The following S1PR2 variants were observed in gnomAD, a reference collection of about 807,000 sequenced individuals.
S1PR2 encodes sphingosine-1-phosphate receptor 2.
Under a neutral mutation model 16.1 loss-of-function variants are expected in S1PR2, and 9 were observed. The ratio of observed to expected loss-of-function variants is 0.56; its 90% CI spans 0.34 to 0.98. The LOEUF (loss-of-function observed/expected upper bound fraction) is 0.98. Ranked by LOEUF, S1PR2 falls within the 50% of genes least tolerant of loss-of-function variation. S1PR2 has a pLI of 0.02. For missense variants in S1PR2, 361 were observed against 488.4 expected (o/e 0.74, Z 2.46); for synonymous variants, 224 against 233.9 (o/e 0.96, Z 0.38).
rs1047982082 is a variant in S1PR2, at chr19:10,223,652, C to T, written c.*192G>A. 13 of 578,988 alleles carry T rather than the reference C, an allele frequency of 2.2e-5. No homozygotes were observed. The highest frequency in any genetic ancestry group is 5.6e-5 in the African/African-American group (3 of 53,680). 35.9% of individuals were successfully genotyped at this position (578,988 alleles called of 1,614,324 possible). ...TAGCCACTGGACTGGCCCTCAGGAC[C>T]GCACTGCAACACTGCTATGTGACTA... On this transcript the variant is annotated 3_prime_UTR_variant, in exon 2 of 2. Coordinates refer to ENST00000646641, the MANE Select transcript of S1PR2 (RefSeq NM_004230.4).
intron 1 of S1PR2, chr19:10,230,333 T>A (rs540234067): frequency 6.5e-6 from 1 of 153,930 alleles, no homozygotes; most frequent in South Asian, 2.0e-4. Context: ...CTGGAAGGAT[T>A]CCTCTCCGTC....
chr19:10,224,188 C>T lies in S1PR2; in HGVS notation c.718G>A (p.Gly240Ser). 1 of 1,611,124 alleles carries T rather than the reference C, an allele frequency of 6.2e-7. No homozygotes were observed. Among genetic ancestry groups the T allele is most frequent in the Non-Finnish European group, 8.5e-7 (1 of 1,180,022 alleles). The part of the protein sequence containing the change: ...ALLKTVTIVL[G>S]VFIVCWLPAF... ...GGCAGCCAGCAGACGATAAAGACGC[C>T]TAGCACGATGGTGACCGTCTTGAGC... The change falls in exon 2 of 2, where the codon GGC (glycine) becomes AGC (serine). Residue 240 changes from glycine (G) to serine (S), a missense_variant. Coordinates refer to ENST00000646641, the MANE Select transcript of S1PR2 (RefSeq NM_004230.4).
Position 10,224,771 on chromosome 19 carries a change from G to A in S1PR2, c.135C>T (p.Cys45=), listed in dbSNP as rs758137994. 9.9e-6 allele frequency: 16 copies of A among 1,614,124 alleles called. No homozygotes were observed. The highest frequency in any genetic ancestry group is 5.3e-5 in the African/African-American group (4 of 74,940). Residue 45 remains cysteine (C), a synonymous_variant, in exon 2 of 2, where the codon TGC becomes TGT. Coordinates refer to ENST00000646641, the MANE Select transcript of S1PR2 (RefSeq NM_004230.4). Reference sequence around the variant, plus strand: ...CCAGAAGGTTTTCCACCACAATGGCGCAACAGAGGATGACGATGAAGGCCG... The same window carrying A: ...CCAGAAGGTTTTCCACCACAATGGCACAACAGAGGATGACGATGAAGGCCG... The part of the protein sequence containing the change: ...VASAFIVILC[C]AIVVENLLVL...
chr19:10,230,126 C>T (rs1248584662), intron 1 of S1PR2, among the ~76,000 whole-genome samples: 1 of 152,254 alleles, frequency 6.6e-6, no homozygotes, highest in Non-Finnish European at 1.5e-5. Flanking sequence ...CATCGCCCAC[C>T]ATCAACCAGG....
At chr19:10,230,408 G>A (rs2039665181) in intron 1 of S1PR2, 2 of 154,814 alleles carry the variant, frequency 1.3e-5, no homozygotes, top group African/African-American at 2.4e-5. Flanking sequence ...CGCAGCAGCA[G>A]CTGCACCGCG....
Position 10,224,039 on chromosome 19 carries a change from C to T in S1PR2, c.867G>A (p.Thr289=), listed in dbSNP as rs557191214. Residue 289 remains threonine (T), a synonymous_variant, in exon 2 of 2, where the codon ACG becomes ACA. Transcript: ENST00000646641. ...LNSLLNPVIY[T]WRSRDLRREV... ...CCCGCCGCAGGTCCCGGCTGCGCCACGTGTAGATGACGGGGTTGAGCAGGG... is the reference window on the plus strand; with the variant it reads ...CCCGCCGCAGGTCCCGGCTGCGCCATGTGTAGATGACGGGGTTGAGCAGGG... The T allele has an allele frequency of 5.8e-5, 93 of 1,611,940 alleles. No homozygotes were observed. The highest frequency in any genetic ancestry group is 1.2e-4 in the Admixed American group (7 of 60,006).
In S1PR2 at chr19:10,223,739, G is replaced by A. The variant is rs2039608999; in HGVS notation, c.*105C>T. ...TTTGCAACATCACCCAGGTCTGTGG[G>A]GCGGGGGCATCTGGCTCAGTAGCCC... On this transcript the variant is annotated 3_prime_UTR_variant, in exon 2 of 2. Coordinates refer to ENST00000646641, the MANE Select transcript of S1PR2 (RefSeq NM_004230.4). The A allele has an allele frequency of 9.6e-7, 1 of 1,044,724 alleles. No individual in the cohort carries two copies. Among genetic ancestry groups the A allele is most frequent in the Admixed American group, 2.7e-5 (1 of 37,212 alleles). The allele number at this position is 1,044,724 out of a possible 1,614,324, so 64.7% of individuals were successfully genotyped here.
At chr19:10,228,369 GACTA>G (rs1279129343) in intron 1 of S1PR2, among the ~76,000 whole-genome samples, 2 of 152,078 alleles carry the variant, frequency 1.3e-5, no homozygotes, top group Non-Finnish European at 2.9e-5. Context: ...GCACCCCAGG[GACTA>G]ACTAAGCAGT....
intron 1 of S1PR2, among the ~76,000 whole-genome samples, chr19:10,226,654 G>T (rs1328043297): frequency 6.6e-6 from 1 of 152,148 alleles, no homozygotes; most frequent in Non-Finnish European, 1.5e-5. Flanking sequence ...AGGTCCTGCC[G>T]GGATGGGCAG....
At chr19:10,230,929 C>G (rs2039672667) in intron 1 of S1PR2, among the ~76,000 whole-genome samples, 1 of 152,226 alleles carries the variant, frequency 6.6e-6, no homozygotes, top group Admixed American at 6.5e-5. Flanking sequence ...CTCCCAAAGA[C>G]TCCAGTCGAA....
chr19:10,229,769 A>C, intron 1 of S1PR2, among the ~76,000 whole-genome samples: 1 of 152,190 alleles, frequency 6.6e-6, no homozygotes. Flanking sequence ...CTACAATAGC[A>C]GCCATCTCCA....
At chr19:10,228,027 G>A (rs2039646747) in intron 1 of S1PR2, among the ~76,000 whole-genome samples, 3 of 151,836 alleles carry the variant, frequency 2.0e-5, no homozygotes, top group African/African-American at 7.3e-5. Context: ...TAGGCCGGGC[G>A]CAGTGGCTCA....
At chr19:10,226,635 T>G (rs1054808188) in intron 1 of S1PR2, among the ~76,000 whole-genome samples, 13 of 152,180 alleles carry the variant, frequency 8.5e-5, no homozygotes, top group African/African-American at 3.1e-4. Context: ...AGCTCTGCCC[T>G]GGGACAGAAG....
rs2039617856 is a variant in S1PR2, at chr19:10,224,540, G to A, written c.366C>T (p.Ser122=). The change falls in exon 2 of 2, where the codon AGC becomes AGT. Residue 122 remains serine (S), a synonymous_variant. Transcript: ENST00000646641. ...AFITLSASVF[S]LLAIAIERHV... The stretch of plus-strand genomic sequence containing the variant: ...GGCGCTCAATGGCGATGGCCAGGAG[G>A]CTGAAGACAGAGGCCGAGAGCGTGA... The A allele has an allele frequency of 5.6e-6, 9 of 1,613,876 alleles. No individual in the cohort carries two copies. The highest frequency in any genetic ancestry group is 1.7e-5 in the Admixed American group (1 of 60,032).
At chr19:10,225,875 G>C (rs1417382584) in intron 1 of S1PR2, among the ~76,000 whole-genome samples, 1 of 151,274 alleles carries the variant, frequency 6.6e-6, no homozygotes, top group Admixed American at 6.6e-5. Context: ...ATAGGGTCTT[G>C]CTCTGTCACC....
chr19:10,230,873 C>A (rs918585799), intron 1 of S1PR2, among the ~76,000 whole-genome samples: 19 of 152,196 alleles, frequency 1.2e-4, no homozygotes, highest in East Asian at 5.8e-4. Flanking sequence ...TTGCCCCCCC[C>A]CAAACACACT....
At chr19:10,224,980 A>C in intron 1 of S1PR2, 33 bp from the exon 2 acceptor site, 1 of 1,237,712 alleles carries the variant, frequency 8.1e-7, no homozygotes, top group South Asian at 1.4e-5. Flanking sequence ...GACAGACAAT[A>C]GGTCAGAGCT....
In S1PR2 at chr19:10,224,043, T is replaced by C; in HGVS notation, c.863A>G (p.Tyr288Cys). Residue 288 changes from tyrosine (Y) to cysteine (C), a missense_variant, in exon 2 of 2, where the codon TAC becomes TGC. By Grantham distance (194) the Tyr-to-Cys change is radical (BLOSUM62 -2). Coordinates refer to ENST00000646641, the MANE Select transcript of S1PR2 (RefSeq NM_004230.4). Reference sequence around the variant, plus strand: ...CCGCAGGTCCCGGCTGCGCCACGTGTAGATGACGGGGTTGAGCAGGGAATT... The same window carrying C: ...CCGCAGGTCCCGGCTGCGCCACGTGCAGATGACGGGGTTGAGCAGGGAATT... ...TLNSLLNPVI[Y>C]TWRSRDLRRE... 6.2e-7 allele frequency: 1 copy of C among 1,611,710 alleles called. No homozygotes were observed. The highest frequency in any genetic ancestry group is 8.5e-7 in the Non-Finnish European group (1 of 1,179,994).
At chr19:10,225,978 A>G (rs892636379) in intron 1 of S1PR2, among the ~76,000 whole-genome samples, 1 of 151,942 alleles carries the variant, frequency 6.6e-6, no homozygotes, top group African/African-American at 2.4e-5. Context: ...GAGTAGCTAC[A>G]CGCTTTCAAA....
Sources: allele counts gnomAD v4.1 joint callset (sites outside exome capture counted in the v4.1 genomes callset), GRCh38; gene constraint gnomAD v4.1.1; transcripts MANE v1.5; gene names NCBI Gene and HGNC (gene_info 2026-07-23, HGNC 2026-07-21).